Variants in CD151 observed in about 807,000 individuals in gnomAD.
CD151 encodes CD151 molecule (Raph blood group), also known as CD151 antigen.
A neutral mutation model predicts 34.2 loss-of-function variants in CD151; 20 were observed. The observed-to-expected ratio is 0.58, with a 90% CI of 0.41 to 0.85. The LOEUF (loss-of-function observed/expected upper bound fraction) is 0.85. CD151 is among the 40% of genes least tolerant of loss of function. The pLI is 0.00. For synonymous variants in CD151, 157 were observed against 131.7 expected (o/e 1.19, Z -1.32); for missense variants, 306 against 324.5 (o/e 0.94, Z 0.44).
rs200052049 is a variant in CD151, at chr11:837,964, A to C, written c.638A>C (p.Glu213Ala). The change falls in exon 8 of 9, where the codon GAG becomes GCG. Residue 213 changes from glutamate (E) to alanine (A), a missense_variant. Coordinates refer to ENST00000397420, the MANE Select transcript of CD151 (RefSeq NM_004357.5). ...CAGGGCGGCTGCATCACCAAGTTGG[A>C]GACCTTCATCCAGGAGCACCTGAGG... The part of the protein sequence containing the change: ...KVEGGCITKL[E>A]TFIQEHLRVI... 2 of 1,613,070 alleles carry C rather than the reference A, an allele frequency of 1.2e-6. No individual in the cohort carries two copies. Among genetic ancestry groups the C allele is most frequent in the East Asian group, 2.2e-5 (1 of 44,860 alleles).
chr11:837,775 TATCTACGAGG>T (rs1391061776), intron 7 of CD151, among the ~76,000 whole-genome samples, 157 bp downstream of exon 7: 11 of 152,056 alleles, frequency 7.2e-5, no homozygotes, highest in Non-Finnish European at 1.2e-4. Flanking sequence ...ACACCTCCAA[TATCTACGAGG>T]AAGTGGGTGG....
intron 4 of CD151, 116 bp from the exon 5 acceptor site, chr11:836,653 C>A: frequency 9.7e-7 from 1 of 1,026,370 alleles, no homozygotes; most frequent in Non-Finnish European, 1.5e-6. Context: ...GGAGGGTGGC[C>A]GCCCCTCAGC....
intron 5 of CD151, 86 bp downstream of exon 5, chr11:836,929 A>G: frequency 8.7e-7 from 1 of 1,154,550 alleles, no homozygotes; most frequent in Non-Finnish European, 1.3e-6. Context: ...GGCTAGCCCC[A>G]ACCCCCACCC....
rs775086111 is a variant in CD151, at chr11:837,333, T to C, written c.435T>C (p.Ala145=). 6.2e-7 allele frequency: 1 copy of C among 1,612,834 alleles called. No individual in the cohort carries two copies. The highest frequency in any genetic ancestry group is 8.5e-7 in the Non-Finnish European group (1 of 1,179,874). The change falls in exon 6 of 9, where the codon GCT becomes GCC. Residue 145 remains alanine (A), a synonymous_variant. Transcript: ENST00000397420. ...CGGGCCATGAGGCTGTGACCAGCGC[T>C]GTGGACCAGCTGCAGCAGGAGGTGG... is the stretch of plus-strand genomic sequence containing the variant. ...HQPGHEAVTS[A]VDQLQQEFHC... is the part of the protein sequence containing the mutation.
chr11:834,264 C>A (rs1025411780), intron 1 of CD151, among the ~76,000 whole-genome samples: 1 of 152,108 alleles, frequency 6.6e-6, no homozygotes, highest in Non-Finnish European at 1.5e-5. Flanking sequence ...GAGGCTGAGG[C>A]AGGAGAATTG....
chr11:837,140 G>C (rs546955635), intron 5 of CD151, 110 bp from the exon 6 acceptor site: 1 of 880,820 alleles, frequency 1.1e-6, no homozygotes, highest in Non-Finnish European at 1.9e-6. Flanking sequence ...GCCCTTCCCT[G>C]TGGCTCTGAG....
chr11:836,667 C>T (rs1267062973), intron 4 of CD151, 102 bp from the exon 5 acceptor site: 1 of 1,187,924 alleles, frequency 8.4e-7, no homozygotes, highest in South Asian at 1.3e-5. Flanking sequence ...CCTCAGCCCC[C>T]ACCTGGAGCC....
At chr11:833,975 G>T (rs28507856) in intron 1 of CD151, 102,021 of 151,816 alleles carry the variant, frequency 0.67, 34,958 homozygotes, top group East Asian at 0.9. Context: ...ATTCCATGAT[G>T]CCTCTTTCCC....
chr11:833,351 G>A (rs2133952128), intron 1 of CD151, among the ~76,000 whole-genome samples: 1 of 152,272 alleles, frequency 6.6e-6, no homozygotes, highest in East Asian at 1.9e-4. Context: ...GGGACGCGCA[G>A]CCTGGACACC....
intron 1 of CD151, 40 bp downstream of exon 1, chr11:833,066 GC>G (rs1846571975): frequency 1.3e-5 from 2 of 150,942 alleles, no homozygotes; most frequent in Admixed American, 1.3e-4. Context: ...AGCGGGGCGA[GC>G]GGGGCGAGGG....
At chr11:835,470 C>T (rs1393886118) in intron 2 of CD151, 2 of 151,370 alleles carry the variant, frequency 1.3e-5, no homozygotes, top group Non-Finnish European at 2.9e-5. Flanking sequence ...TCCCAAGTAG[C>T]TGGGACCACA....
rs1252499586 is a variant in CD151, at chr11:838,308, C to G, written c.*116C>G. 3.6e-6 allele frequency: 3 copies of G among 843,298 alleles called. No individual in the cohort carries two copies. The allele number at this position is 843,298 out of a possible 1,614,324, so 52.2% of individuals were successfully genotyped here. The stretch of plus-strand genomic sequence containing the variant: ...GTGCCATCACCATAACCTCTGGGGA[C>G]CCCAACCTCAGAGGCAGCTTCAAGT... On this transcript the variant is annotated 3_prime_UTR_variant, in exon 9 of 9. Transcript: ENST00000397420.
chr11:837,103 C>G, intron 5 of CD151, 147 bp from the exon 6 acceptor site: 1 of 698,760 alleles, frequency 1.4e-6, no homozygotes, highest in Non-Finnish European at 2.5e-6. Flanking sequence ...ACCACCCAAC[C>G]TCCCCTCATG....
rs1458142202 is a variant in CD151 at position 838,799 on chromosome 11, A to G, written c.*607A>G. On this transcript the variant is annotated 3_prime_UTR_variant, in exon 9 of 9. Transcript: ENST00000397420. ...AGATGCCTACAACCATCCCTGCCAC[A>G]TACAGGTGCTCAATAAACACTTGTA... The G allele has an allele frequency of 6.3e-6, 1 of 158,094 alleles. No individual in the cohort carries two copies. Among genetic ancestry groups the G allele is most frequent in the Non-Finnish European group, 1.4e-5 (1 of 70,960 alleles). 9.8% of individuals were successfully genotyped at this position (158,094 alleles called of 1,614,324 possible). A position where few individuals can be genotyped will look rare whatever the true frequency, so the allele number is the denominator to read the frequency against.
Position 838,229 on chromosome 11 carries a change from C to G in CD151, c.*37C>G. 1 of 1,571,348 alleles carries G rather than the reference C, an allele frequency of 6.4e-7. No homozygotes were observed. The highest frequency in any genetic ancestry group is 8.8e-7 in the Non-Finnish European group (1 of 1,142,320). ...GCCTTGCTGCTGCTGCACCCAACTA[C>G]TGAGCTGAGACCACTGAGTACCAGG... On this transcript the variant is annotated 3_prime_UTR_variant, in exon 9 of 9. Transcript: ENST00000397420.
In CD151 at chr11:838,405, T is replaced by A. The variant is rs186387794; in HGVS notation, c.*213T>A. ...GGCGGGGCGAAGTTTGGGGGGTGTT[T>A]TGTGGGGCTCCCCAGACACACTCTC... is the stretch of plus-strand genomic sequence containing the variant. On this transcript the variant is annotated 3_prime_UTR_variant, in exon 9 of 9. Coordinates refer to ENST00000397420, the MANE Select transcript of CD151 (RefSeq NM_004357.5). 1,349 of 590,664 alleles carry A rather than the reference T, an allele frequency of 2.3e-3. 5 individuals carry two copies. Among genetic ancestry groups the A allele is most frequent in the Non-Finnish European group, 3.5e-3 (1,157 of 330,822 alleles). 36.6% of individuals were successfully genotyped at this position (590,664 alleles called of 1,614,324 possible).
chr11:835,183 C>G (rs1322259483), intron 2 of CD151: 1 of 152,262 alleles, frequency 6.6e-6, no homozygotes, highest in Non-Finnish European at 1.5e-5. Flanking sequence ...GACCCCTGTC[C>G]TGTCTGTGGG....
chr11:838,071 G>A, intron 8 of CD151, 43 bp downstream of exon 8: 3 of 1,607,378 alleles, frequency 1.9e-6, no homozygotes, highest in East Asian at 2.2e-5. Flanking sequence ...TGGGGACACG[G>A]GGCAGGGCGG....
chr11:837,185 G>A (rs1320463350), intron 5 of CD151, 65 bp from the exon 6 acceptor site: 4 of 1,380,306 alleles, frequency 2.9e-6, no homozygotes, highest in Non-Finnish European at 4.1e-6. Context: ...CCATCCTGGG[G>A]CTCTGCCAGC....
Sources: allele counts gnomAD v4.1 joint callset (sites outside exome capture counted in the v4.1 genomes callset), GRCh38; gene constraint gnomAD v4.1.1; transcripts MANE v1.5; gene names NCBI Gene and HGNC (gene_info 2026-07-23, HGNC 2026-07-21).